The following GPC6 variants were observed in gnomAD, a reference collection of about 807,000 sequenced individuals.
The protein encoded by GPC6 is glypican-6.
A neutral mutation model predicts 55.2 loss-of-function variants in GPC6; 14 were observed. The observed-to-expected ratio is 0.25, with a 90% CI of 0.17 to 0.40. The LOEUF is 0.40. GPC6 is among the 10% of genes least tolerant of loss of function. The probability of loss-of-function intolerance (pLI) is 1.00; values close to 1 mark genes in which losing one functional copy is unlikely to be tolerated. For synonymous variants in GPC6, 278 were observed against 259.6 expected (o/e 1.07, Z -0.68); for missense variants, 641 against 708.5 (o/e 0.90, Z 1.08).
At chr13:93,834,775 G>A (rs534694542) in intron 3 of GPC6, among the ~76,000 whole-genome samples, 17 of 152,228 alleles carry the variant, frequency 1.1e-4, no homozygotes, top group African/African-American at 3.4e-4. Context: ...GGACCTGCTA[G>A]CAAGTCAGTT....
intron 2 of GPC6, among the ~76,000 whole-genome samples, chr13:93,745,166 T>C (rs947338393): frequency 3.3e-5 from 5 of 151,958 alleles, no homozygotes; most frequent in African/African-American, 1.2e-4. Context: ...CAGAAGAGAG[T>C]TCAGAATACT....
At chr13:94,139,286 A>G (rs912947898) in intron 4 of GPC6, among the ~76,000 whole-genome samples, 1 of 152,160 alleles carries the variant, frequency 6.6e-6, no homozygotes, top group Admixed American at 6.5e-5. Flanking sequence ...CATGTAACAA[A>G]ATTATTCTTA....
intron 4 of GPC6, among the ~76,000 whole-genome samples, chr13:94,046,557 A>C (rs565892659): frequency 6.6e-6 from 1 of 152,198 alleles, no homozygotes; most frequent in South Asian, 2.1e-4. Flanking sequence ...ATGTAATGGA[A>C]AATGTAATTT....
intron 1 of GPC6, among the ~76,000 whole-genome samples, chr13:93,270,846 G>A (rs1369902090): frequency 6.6e-6 from 1 of 151,972 alleles, no homozygotes; most frequent in Non-Finnish European, 1.5e-5. Flanking sequence ...CAGATGAGAA[G>A]CAGTATAGAA....
chr13:94,033,344 C>CT (rs1367728921), intron 4 of GPC6, among the ~76,000 whole-genome samples: 1 of 152,134 alleles, frequency 6.6e-6, no homozygotes, highest in Admixed American at 6.5e-5. Flanking sequence ...AGTCCAATGA[C>CT]TAATGTCATG....
At chr13:93,980,671 G>A (rs532808956) in intron 3 of GPC6, among the ~76,000 whole-genome samples, 103 of 152,274 alleles carry the variant, frequency 6.8e-4, no homozygotes, top group Non-Finnish European at 1.2e-3. Context: ...TCTCCAGGAG[G>A]TGGGGGCATT....
At chr13:93,537,888 A>G (rs937485447) in intron 1 of GPC6, among the ~76,000 whole-genome samples, 3 of 150,380 alleles carry the variant, frequency 2.0e-5, no homozygotes, top group African/African-American at 5.0e-5. Flanking sequence ...ATATCACACT[A>G]GAAATATGAA....
intron 2 of GPC6, among the ~76,000 whole-genome samples, chr13:93,800,718 T>C (rs1343398317): frequency 6.6e-6 from 1 of 151,984 alleles, no homozygotes; most frequent in African/African-American, 2.4e-5. Flanking sequence ...CTGTAAGCAA[T>C]GTGCATAAAA....
At chr13:93,988,726 ATAT>A (rs1021653820) in intron 3 of GPC6, among the ~76,000 whole-genome samples, 1 of 152,158 alleles carries the variant, frequency 6.6e-6, no homozygotes, top group Non-Finnish European at 1.5e-5. Flanking sequence ...CTACCTCCTA[ATAT>A]TAAGACCATC....
intron 6 of GPC6, among the ~76,000 whole-genome samples, chr13:94,315,239 GC>G (rs1876461117): frequency 6.6e-6 from 1 of 152,182 alleles, no homozygotes; most frequent in Non-Finnish European, 1.5e-5. Context: ...CTCTGTAGAA[GC>G]TTTTCCTATG....
chr13:94,354,905 GGAGA>G (rs1301406915), intron 6 of GPC6, among the ~76,000 whole-genome samples: 45 of 152,178 alleles, frequency 3.0e-4, no homozygotes, highest in Admixed American at 2.6e-3. Flanking sequence ...GGATGGAAGT[GGAGA>G]GAGAATTTTA....
intron 2 of GPC6, among the ~76,000 whole-genome samples, chr13:93,610,361 C>T (rs867491789): frequency 2.0e-5 from 3 of 152,148 alleles, no homozygotes; most frequent in East Asian, 1.9e-4. Context: ...TATTTTACAT[C>T]GCAACCCAGA....
intron 1 of GPC6, among the ~76,000 whole-genome samples, chr13:93,312,284 A>G (rs1156348936): frequency 6.6e-6 from 1 of 152,202 alleles, no homozygotes; most frequent in Non-Finnish European, 1.5e-5. Flanking sequence ...AAGTGTCAAT[A>G]GATCCTGAGA....
At chr13:94,031,052 T>TTGTGCG (rs1047623702) in intron 4 of GPC6, among the ~76,000 whole-genome samples, 1 of 149,820 alleles carries the variant, frequency 6.7e-6, no homozygotes, top group East Asian at 2.0e-4. Flanking sequence ...GTTTGTGCGT[T>TTGTGCG]TGTGCGTGTG....
At chr13:93,669,027 A>G (rs1274931472) in intron 2 of GPC6, among the ~76,000 whole-genome samples, 2 of 152,192 alleles carry the variant, frequency 1.3e-5, no homozygotes. Flanking sequence ...TTTTTCTCAG[A>G]TGGAGCCCTG....
chr13:93,519,904 GA>G (rs1263280544), intron 1 of GPC6, among the ~76,000 whole-genome samples: 1 of 151,926 alleles, frequency 6.6e-6, no homozygotes, highest in Non-Finnish European at 1.5e-5. Flanking sequence ...AAACTGAAAC[GA>G]ATTTTGTCAT....
intron 2 of GPC6, among the ~76,000 whole-genome samples, chr13:93,617,177 A>G (rs1280716367): frequency 1.3e-5 from 2 of 152,072 alleles, no homozygotes; most frequent in Non-Finnish European, 2.9e-5. Context: ...GATCTTAGTG[A>G]TACAACTTCC....
chr13:93,633,628 T>C lies in GPC6; in HGVS notation c.319+88207T>C, dbSNP rs112864584. 1.6e-3 allele frequency among the ~76,000 whole-genome samples: 228 copies of C among 146,008 alleles called. 1 individual carries two copies. Among genetic ancestry groups the C allele is most frequent in the African/African-American group, 5.4e-3 (215 of 39,650 alleles). ...TCCAGCCTGGGTGACAGAGTGAGACTCTGTCTCAAATAAATAAATAAATAA... is the reference window on the plus strand; with the variant it reads ...TCCAGCCTGGGTGACAGAGTGAGACCCTGTCTCAAATAAATAAATAAATAA... On this transcript the variant is annotated intron_variant, in intron 2 of 8. Transcript: ENST00000377047.
chr13:94,129,556 A>C (rs1329684435), intron 4 of GPC6, among the ~76,000 whole-genome samples: 1 of 151,772 alleles, frequency 6.6e-6, no homozygotes. Flanking sequence ...CCAATCCCCC[A>C]CCAGAGACTT....
Sources: allele counts gnomAD v4.1 joint callset (sites outside exome capture counted in the v4.1 genomes callset), GRCh38; gene constraint gnomAD v4.1.1; transcripts MANE v1.5; gene names NCBI Gene and HGNC (gene_info 2026-07-23, HGNC 2026-07-21).